The following HS6ST3 variants were observed in gnomAD, a reference collection of about 807,000 sequenced individuals.
The protein encoded by HS6ST3 is heparan sulfate 6-O-sulfotransferase 3.
In HS6ST3, 12 loss-of-function variants were observed where a neutral mutation model predicts 36.7. The ratio of observed to expected loss-of-function variants is 0.33; its 90% CI spans 0.21 to 0.53. HS6ST3 has a LOEUF of 0.53. Among genes scored for constraint, HS6ST3 ranks in the 20% least tolerant of loss-of-function variants. HS6ST3 has a pLI of 0.95. For missense variants in HS6ST3, 584 were observed against 640.9 expected (o/e 0.91, Z 0.96); for synonymous variants, 240 against 257.5 (o/e 0.93, Z 0.65).
At chr13:96,232,640 T>G (rs2054514365) in intron 1 of HS6ST3, among the ~76,000 whole-genome samples, 1 of 152,008 alleles carries the variant, frequency 6.6e-6, no homozygotes. Context: ...GCAGGAGGGT[T>G]TCCAGGGAGC....
chr13:96,756,045 A>C (rs527739846), intron 1 of HS6ST3, among the ~76,000 whole-genome samples: 2 of 152,256 alleles, frequency 1.3e-5, no homozygotes, highest in South Asian at 4.1e-4. Flanking sequence ...AACTCACTTT[A>C]GTTTTAGCTT....
chr13:96,217,131 CG>C (rs2054430563), intron 1 of HS6ST3, among the ~76,000 whole-genome samples: 1 of 152,132 alleles, frequency 6.6e-6, no homozygotes, highest in African/African-American at 2.4e-5. Flanking sequence ...GGGAGCCAGA[CG>C]GAAGTTTCCC....
intron 1 of HS6ST3, among the ~76,000 whole-genome samples, chr13:96,456,233 ATACTCAAGAAAACTAGAT>A (rs1242226936): frequency 6.6e-6 from 1 of 152,214 alleles, no homozygotes; most frequent in African/African-American, 2.4e-5. Context: ...CTGATGTGTA[ATACTCAAGAAAACTAGAT>A]TGATCTAGCT....
intron 1 of HS6ST3, among the ~76,000 whole-genome samples, chr13:96,202,317 TC>T (rs1460905177): frequency 2.0e-5 from 3 of 152,184 alleles, no homozygotes; most frequent in Non-Finnish European, 2.9e-5. Context: ...AGTTGAAATT[TC>T]TGATCAAAGG....
intron 1 of HS6ST3, among the ~76,000 whole-genome samples, chr13:96,747,522 G>A (rs916554988): frequency 2.0e-5 from 3 of 152,006 alleles, no homozygotes; most frequent in Admixed American, 1.3e-4. Context: ...TCCCAAATAA[G>A]AATCTTTTAA....
intron 1 of HS6ST3, among the ~76,000 whole-genome samples, chr13:96,628,326 T>A (rs1026492727): frequency 1.3e-5 from 2 of 151,946 alleles, no homozygotes; most frequent in African/African-American, 2.4e-5. Context: ...TTTCTAGGTA[T>A]TTTTTTGCTT....
intron 1 of HS6ST3, among the ~76,000 whole-genome samples, chr13:96,160,272 T>G (rs2054129668): frequency 1.3e-5 from 2 of 152,172 alleles, no homozygotes; most frequent in African/African-American, 4.8e-5. Flanking sequence ...TCTGAAGAGG[T>G]TGACTTAATA....
At chr13:96,649,110 C>T (rs527963990) in intron 1 of HS6ST3, among the ~76,000 whole-genome samples, 69 of 152,092 alleles carry the variant, frequency 4.5e-4, no homozygotes, top group African/African-American at 1.6e-3. Context: ...TTCTATCTCA[C>T]TTTATGGCAA....
intron 1 of HS6ST3, among the ~76,000 whole-genome samples, chr13:96,553,293 C>T (rs1409983978): frequency 6.6e-6 from 1 of 152,160 alleles, no homozygotes; most frequent in Non-Finnish European, 1.5e-5. Context: ...CATTGTGTTA[C>T]ATCCTCTGAG....
intron 1 of HS6ST3, among the ~76,000 whole-genome samples, chr13:96,817,452 A>G (rs1168966725): frequency 6.6e-6 from 1 of 152,172 alleles, no homozygotes; most frequent in Non-Finnish European, 1.5e-5. Flanking sequence ...TCTCTGTAAT[A>G]TACATTAATA....
chr13:96,369,605 C>T (rs1003932033), intron 1 of HS6ST3, among the ~76,000 whole-genome samples: 1 of 152,186 alleles, frequency 6.6e-6, no homozygotes, highest in African/African-American at 2.4e-5. Flanking sequence ...TAGCACCTCA[C>T]TGGCCTCTGT....
intron 1 of HS6ST3, among the ~76,000 whole-genome samples, chr13:96,226,457 T>C (rs1319545294): frequency 2.0e-5 from 3 of 151,968 alleles, no homozygotes; most frequent in Non-Finnish European, 4.4e-5. Context: ...GAGGCGGAGG[T>C]TGCGGTAAGC....
At chr13:96,712,357 C>T (rs1183631116) in intron 1 of HS6ST3, among the ~76,000 whole-genome samples, 3 of 151,988 alleles carry the variant, frequency 2.0e-5, no homozygotes, top group African/African-American at 4.8e-5. Flanking sequence ...TTTGGAATAC[C>T]GGTAAAGGAG....
chr13:96,706,252 G>C (rs1351920226), intron 1 of HS6ST3, among the ~76,000 whole-genome samples: 1 of 151,820 alleles, frequency 6.6e-6, no homozygotes, highest in Non-Finnish European at 1.5e-5. Context: ...CGGATGCTGT[G>C]TTTGAGATTC....
intron 1 of HS6ST3, among the ~76,000 whole-genome samples, chr13:96,308,884 A>C (rs2054926761): frequency 6.6e-6 from 1 of 152,252 alleles, no homozygotes; most frequent in Admixed American, 6.5e-5. Flanking sequence ...GACTGAAGAG[A>C]GTTTTACCGA....
chr13:96,465,492 G>T (rs2055807863), intron 1 of HS6ST3, among the ~76,000 whole-genome samples: 1 of 152,148 alleles, frequency 6.6e-6, no homozygotes, highest in Non-Finnish European at 1.5e-5. Context: ...GCCTCCAGTT[G>T]TACATAGTAT....
chr13:96,539,966 T>C (rs2056171553), intron 1 of HS6ST3, among the ~76,000 whole-genome samples: 1 of 152,236 alleles, frequency 6.6e-6, no homozygotes, highest in Admixed American at 6.5e-5. Flanking sequence ...ACCTTATTGC[T>C]TCATGCTCAG....
intron 1 of HS6ST3, among the ~76,000 whole-genome samples, chr13:96,197,071 G>T (rs1013291100): frequency 1.3e-5 from 2 of 152,230 alleles, no homozygotes; most frequent in Non-Finnish European, 2.9e-5. Context: ...CATGACAAGT[G>T]ATTGAAATGT....
chr13:96,471,223 A>G lies in HS6ST3; in HGVS notation c.708-361267A>G, dbSNP rs2055838613. Among the ~76,000 whole-genome samples the G allele has an allele frequency of 4.6e-5, 7 of 152,304 alleles. No homozygotes were observed. In the South Asian group the frequency reaches 1.4e-3, roughly 32 times the overall value. ...AAGAGACAGCTGTAGGAACCAAGACATTTATCTTGGATGTCCTCTGCCTTC... is the reference window on the plus strand; with the variant it reads ...AAGAGACAGCTGTAGGAACCAAGACGTTTATCTTGGATGTCCTCTGCCTTC... On this transcript the variant is annotated intron_variant, in intron 1 of 1. Transcript: ENST00000376705.
Sources: gnomAD v4.1 joint callset for allele counts (sites outside exome capture counted in the v4.1 genomes callset) on GRCh38, gnomAD v4.1.1 for gene constraint, MANE v1.5 for transcripts, NCBI Gene and HGNC (gene_info 2026-07-23, HGNC 2026-07-21) for gene names.